Variants in ENTREP2 observed in about 807,000 individuals in gnomAD.
The protein encoded by ENTREP2 is endosomal transmembrane epsin interactor 2, also known as protein ENTREP2.
the ENTREP2 span, among the ~76,000 whole-genome samples, chr15:29,319,835 G>A: frequency 6.6e-6 from 1 of 152,174 alleles, no homozygotes; most frequent in East Asian, 1.9e-4. Context: ...AATTGCTGGA[G>A]GCTGAGGGTG....
the ENTREP2 span, among the ~76,000 whole-genome samples, chr15:29,518,389 G>A: frequency 6.6e-6 from 1 of 151,942 alleles, no homozygotes; most frequent in Admixed American, 6.5e-5. Context: ...TTTTATAGCA[G>A]GTATTCATAA....
the ENTREP2 span, chr15:29,374,767 A>T: frequency 6.6e-6 from 1 of 152,164 alleles, no homozygotes; most frequent in African/African-American, 2.4e-5. Flanking sequence ...TTGTTGAAAA[A>T]ATGTTTTTTC....
the ENTREP2 span, among the ~76,000 whole-genome samples, chr15:29,619,723 G>A: frequency 6.6e-6 from 1 of 152,098 alleles, no homozygotes; most frequent in African/African-American, 2.4e-5. Context: ...TCCCATGCAG[G>A]TGCAGGGTAG....
chr15:29,124,708 ACAGT>A, the ENTREP2 span: 5 of 1,550,644 alleles, frequency 3.2e-6, no homozygotes, highest in Non-Finnish European at 4.4e-6. Flanking sequence ...ACAGCCTCAG[ACAGT>A]CCCGCTTCCA....
At chr15:29,669,217 A>G in the ENTREP2 span, among the ~76,000 whole-genome samples, 1 of 152,178 alleles carries the variant, frequency 6.6e-6, no homozygotes, top group South Asian at 2.1e-4. Flanking sequence ...CAAAAAACAA[A>G]TCAAAACAAA....
chr15:29,651,621 C>T, the ENTREP2 span, among the ~76,000 whole-genome samples: 8 of 152,240 alleles, frequency 5.3e-5, no homozygotes, highest in African/African-American at 1.9e-4. Flanking sequence ...CTCTGCTCTG[C>T]TGCCTGGCCT....
the ENTREP2 span, among the ~76,000 whole-genome samples, chr15:29,650,177 T>TAAA: frequency 7.0e-6 from 1 of 143,614 alleles, no homozygotes. Context: ...TAACTAAACT[T>TAAA]AAAAAAAAAA....
At chr15:29,598,241 C>T in the ENTREP2 span, among the ~76,000 whole-genome samples, 1 of 152,214 alleles carries the variant, frequency 6.6e-6, no homozygotes, top group African/African-American at 2.4e-5. Context: ...CTCCACATCC[C>T]CTCCAGCAGT....
the ENTREP2 span, among the ~76,000 whole-genome samples, chr15:29,231,885 C>CTTTCTTTTTTTTTTTT: frequency 7.7e-6 from 1 of 129,952 alleles, no homozygotes; most frequent in African/African-American, 3.0e-5. Context: ...GTTTTCTTTT[C>CTTTCTTTTTTTTTTTT]TTTTCTTTCT....
chr15:29,411,161 G>A, the ENTREP2 span, among the ~76,000 whole-genome samples: 3 of 152,090 alleles, frequency 2.0e-5, no homozygotes, highest in Non-Finnish European at 4.4e-5. Context: ...TGTACTATTC[G>A]TTGATGACTA....
the ENTREP2 span, among the ~76,000 whole-genome samples, chr15:29,477,254 C>T: frequency 6.6e-6 from 1 of 151,986 alleles, no homozygotes; most frequent in Non-Finnish European, 1.5e-5. Context: ...CCTTTGGGGG[C>T]AGTAAGTAGA....
At chr15:29,622,653 C>A in the ENTREP2 span, among the ~76,000 whole-genome samples, 142 of 152,252 alleles carry the variant, frequency 9.3e-4, no homozygotes, top group African/African-American at 3.3e-3. Context: ...TCAACTGGAG[C>A]AGGTGAGAGG....
the ENTREP2 span, among the ~76,000 whole-genome samples, chr15:29,394,823 T>TTC: frequency 6.6e-6 from 1 of 151,944 alleles, no homozygotes; most frequent in African/African-American, 2.4e-5. Context: ...TGTGACAGGC[T>TTC]TCTATCACTT....
the ENTREP2 span, among the ~76,000 whole-genome samples, chr15:29,593,317 T>C: frequency 6.6e-6 from 1 of 152,196 alleles, no homozygotes; most frequent in Non-Finnish European, 1.5e-5. Context: ...TCCACTCTTC[T>C]ATTCTCTGCT....
the ENTREP2 span, among the ~76,000 whole-genome samples, chr15:29,604,853 C>T: frequency 1.3e-5 from 2 of 152,100 alleles, no homozygotes; most frequent in Non-Finnish European, 1.5e-5. Context: ...TGACTTGGCC[C>T]CCAAAGGGTG....
At chr15:29,514,267 T>C in the ENTREP2 span, among the ~76,000 whole-genome samples, 1 of 152,186 alleles carries the variant, frequency 6.6e-6, no homozygotes. Flanking sequence ...ACCATTCTGC[T>C]TTCTGTCTCT....
the ENTREP2 span, among the ~76,000 whole-genome samples, chr15:29,196,852 A>AAT: frequency 2.2e-3 from 329 of 152,358 alleles, 1 homozygote; most frequent in African/African-American, 7.6e-3. Flanking sequence ...GATAAAGGTA[A>AAT]ATAGATTGAA....
the ENTREP2 span, among the ~76,000 whole-genome samples, chr15:29,155,589 G>A: frequency 6.6e-6 from 1 of 152,208 alleles, no homozygotes; most frequent in South Asian, 2.1e-4. Flanking sequence ...ATGGTGCTCT[G>A]TCCTAAGAAC....
At chr15:29,442,373 C>A in the ENTREP2 span, among the ~76,000 whole-genome samples, 1 of 152,232 alleles carries the variant, frequency 6.6e-6, no homozygotes, top group Non-Finnish European at 1.5e-5. Context: ...TTGGGAAACA[C>A]AGCCGCATGC....
Sources: allele counts gnomAD v4.1 joint callset (sites outside exome capture counted in the v4.1 genomes callset), GRCh38; gene constraint gnomAD v4.1.1; transcripts MANE v1.5; gene names NCBI Gene and HGNC (gene_info 2026-07-23, HGNC 2026-07-21).